The following ATAD2B variants were observed in gnomAD, a reference collection of about 807,000 sequenced individuals.
ATAD2B encodes the protein ATPase family AAA domain-containing protein 2B.
A neutral mutation model predicts 167.6 loss-of-function variants in ATAD2B; 40 were observed. That is an observed-to-expected ratio of 0.24 (90% CI 0.19 to 0.31). The LOEUF is 0.31. Among genes scored for constraint, ATAD2B ranks in the 10% least tolerant of loss-of-function variants. ATAD2B has a pLI of 1.00. For synonymous variants in ATAD2B, 579 were observed against 596.5 expected (o/e 0.97, Z 0.43); for missense variants, 1,242 against 1,757.2 (o/e 0.71, Z 5.24).
intron 21 of ATAD2B, among the ~76,000 whole-genome samples, chr2:23,784,116 G>A (rs530968727): frequency 6.6e-6 from 1 of 152,072 alleles, no homozygotes; most frequent in South Asian, 2.1e-4. Flanking sequence ...GATATTAGCT[G>A]GATTCCTGCT....
intron 13 of ATAD2B, among the ~76,000 whole-genome samples, chr2:23,856,807 C>A (rs1693491685): frequency 6.6e-6 from 1 of 152,102 alleles, no homozygotes; most frequent in Admixed American, 6.6e-5. Context: ...TTGCAGTGAG[C>A]CGCGATTACG....
At chr2:23,680,647 G>GTCTCTAGGCCATCTTCTCCTGGGC in the ATAD2B span, among the ~76,000 whole-genome samples, 3 of 150,088 alleles carry the variant, frequency 2.0e-5, no homozygotes, top group Non-Finnish European at 4.5e-5. This position sits in a 1 kb window ranked among gnomAD's most constrained non-coding sequence, Gnocchi z 4.1. Context: ...TTCTCCTGGG[G>GTCTCTAGGCCATCTTCTCCTGGGC]TCTCTAGGCC....
the ATAD2B span, among the ~76,000 whole-genome samples, chr2:23,692,177 T>C: frequency 1.3e-5 from 2 of 152,268 alleles, no homozygotes; most frequent in Non-Finnish European, 2.9e-5. Context: ...GCATGTGCTC[T>C]GTTTGTGGGG....
At chr2:23,774,883 A>T (rs1294269677) in intron 22 of ATAD2B, among the ~76,000 whole-genome samples, 1 of 152,228 alleles carries the variant, frequency 6.6e-6, no homozygotes, top group Non-Finnish European at 1.5e-5. Context: ...CTGGGCAACA[A>T]GAGCAAAACC....
At chr2:23,728,000 T>C in the ATAD2B span, among the ~76,000 whole-genome samples, 1 of 152,142 alleles carries the variant, frequency 6.6e-6, no homozygotes, top group East Asian at 1.9e-4. Context: ...TATTAAACAT[T>C]TGTCAAAGCC....
Position 23,864,823 on chromosome 2 carries a change from T to A in ATAD2B, c.1290A>T (p.Lys430Asn). Residue 430 changes from lysine to asparagine, a missense_variant, in exon 11 of 28, where the codon AAA becomes AAT. Physicochemically the swap from Lys to Asn is moderately conservative, Grantham distance 94 (BLOSUM62 0). Transcript: ENST00000238789. ...ACATTGCTTACCTTGGAGGCTGAAT[T>A]TTAAACTTTTCAAAAATTTCTGGAT... The part of the protein sequence containing the change: ...LLYPEIFEKF[K>N]IQPPRGCLFY... 6.4e-7 allele frequency: 1 copy of A among 1,570,284 alleles called. No individual in the cohort carries two copies. Among genetic ancestry groups the A allele is most frequent in the Non-Finnish European group, 8.7e-7 (1 of 1,154,096 alleles).
chr2:23,850,099 C>T (rs936843219), intron 13 of ATAD2B, among the ~76,000 whole-genome samples: 25 of 145,118 alleles, frequency 1.7e-4, no homozygotes, highest in African/African-American at 6.2e-4. Context: ...GCTGAGATCG[C>T]GCCACTGCTG....
At chr2:23,773,989 G>A (rs1678722218) in intron 22 of ATAD2B, among the ~76,000 whole-genome samples, 1 of 152,038 alleles carries the variant, frequency 6.6e-6, no homozygotes, top group South Asian at 2.1e-4. Flanking sequence ...ATTTCACTGT[G>A]TTGATGTTTC....
At chr2:23,741,204 T>A in the ATAD2B span, among the ~76,000 whole-genome samples, 17 of 151,934 alleles carry the variant, frequency 1.1e-4, no homozygotes, top group Non-Finnish European at 2.2e-4. Context: ...AAAAACTACT[T>A]TAAAGTTCAT....
chr2:23,692,901 A>T, the ATAD2B span, among the ~76,000 whole-genome samples: 1 of 152,150 alleles, frequency 6.6e-6, no homozygotes. Context: ...AACATGGAAG[A>T]TGCTGTAAGC....
downstream of ATAD2B, among the ~76,000 whole-genome samples, chr2:23,745,352 G>GGAAGAAAGGAAGGAAA (rs1674780340): frequency 8.4e-6 from 1 of 119,318 alleles, no homozygotes; most frequent in Admixed American, 1.0e-4. Context: ...AGAGAGGGAT[G>GGAAGAAAGGAAGGAAA]GAAGGAAGGA....
rs146276419 is a variant in ATAD2B at position 23,826,226 on chromosome 2, G to A, written c.1819+2623C>T. Among the ~76,000 whole-genome samples the A allele has an allele frequency of 4.7e-4, 71 of 152,238 alleles. No individual in the cohort carries two copies. In the Middle Eastern group the frequency reaches 0.01, roughly 22 times the overall value. On this transcript the variant is annotated intron_variant, in intron 15 of 27. Coordinates refer to ENST00000238789, the MANE Select transcript of ATAD2B (RefSeq NM_017552.4). ...GATACACACAAAATTGAGAACTACT[G>A]ATTTAACATACTTCCTTCTAAAACT...
the ATAD2B span, among the ~76,000 whole-genome samples, chr2:23,702,327 C>T: frequency 6.6e-6 from 1 of 152,216 alleles, no homozygotes; most frequent in African/African-American, 2.4e-5. Context: ...CATTAGCCTA[C>T]AGCTGGGCAA....
chr2:23,844,219 C>CA (rs1691379868), intron 13 of ATAD2B, among the ~76,000 whole-genome samples: 1 of 152,074 alleles, frequency 6.6e-6, no homozygotes, highest in African/African-American at 2.4e-5. Context: ...GGATTACTGG[C>CA]ATGAGCCACT....
the ATAD2B span, among the ~76,000 whole-genome samples, chr2:23,743,210 G>A: frequency 1.3e-5 from 2 of 151,630 alleles, no homozygotes; most frequent in African/African-American, 4.8e-5. Flanking sequence ...GGGTTAGAAT[G>A]TTCCAGGAGA....
chr2:23,818,182 A>AGGGAGGGAAGAAGAGAGG, intron 17 of ATAD2B, among the ~76,000 whole-genome samples: 1 of 76,684 alleles, frequency 1.3e-5, no homozygotes, highest in African/African-American at 4.8e-5. Context: ...AGGGAGAGGG[A>AGGGAGGGAAGAAGAGAGG]GAGACGGAGG....
chr2:23,841,414 A>G (rs1263110291), intron 13 of ATAD2B, among the ~76,000 whole-genome samples: 1 of 152,214 alleles, frequency 6.6e-6, no homozygotes, highest in African/African-American at 2.4e-5. Flanking sequence ...TCGACATTTC[A>G]TATAAACAGA....
intron 1 of ATAD2B, among the ~76,000 whole-genome samples, chr2:23,925,151 A>C (rs903857269): frequency 5.3e-5 from 8 of 152,244 alleles, no homozygotes; most frequent in African/African-American, 1.9e-4. Flanking sequence ...TGTTTGGAAT[A>C]GTTTCCACCG....
At chr2:23,899,970 C>A (rs1700617886) in intron 1 of ATAD2B, among the ~76,000 whole-genome samples, 2 of 129,094 alleles carry the variant, frequency 1.5e-5, no homozygotes, top group African/African-American at 6.0e-5. Flanking sequence ...GTCGCCCAGG[C>A]TGGGGTACAG....
Sources: gnomAD v4.1 joint callset for allele counts (sites outside exome capture counted in the v4.1 genomes callset) on GRCh38, gnomAD v4.1.1 for gene constraint, Gnocchi (gnomAD v3.1) non-coding constraint, MANE v1.5 for transcripts, NCBI Gene and HGNC (gene_info 2026-07-23, HGNC 2026-07-21) for gene names.